The following HAAO variants were observed in gnomAD, a reference collection of about 807,000 sequenced individuals.
The protein encoded by HAAO is 3-hydroxyanthranilate 3,4-dioxygenase, also known as 3-hydroxyanthranilate oxygenase.
A neutral mutation model predicts 46.2 loss-of-function variants in HAAO; 49 were observed. The ratio of observed to expected loss-of-function variants is 1.06; its 90% CI spans 0.84 to 1.34. The LOEUF is 1.34. Ranked by LOEUF, HAAO falls within the 40% of genes most tolerant of loss-of-function variation. The probability of loss-of-function intolerance (pLI) is 0.00; values close to 1 mark genes in which losing one functional copy is unlikely to be tolerated. For synonymous variants in HAAO, 157 were observed against 145.2 expected (o/e 1.08, Z -0.58); for missense variants, 408 against 364.5 (o/e 1.12, Z -0.97).
At chr2:42,784,863 C>G (rs1388820137) in intron 2 of HAAO, among the ~76,000 whole-genome samples, 2 of 152,180 alleles carry the variant, frequency 1.3e-5, no homozygotes, top group African/African-American at 4.8e-5. Flanking sequence ...CCTGGAGGGA[C>G]TGTGGGGTTT....
chr2:42,779,258 G>A (rs1411580378), intron 4 of HAAO, among the ~76,000 whole-genome samples: 2 of 152,118 alleles, frequency 1.3e-5, no homozygotes, highest in African/African-American at 2.4e-5. Context: ...TATAGGTTAT[G>A]AAAGGTTTAT....
At chr2:42,778,687 A>AAGAT (rs1671767960) in intron 4 of HAAO, among the ~76,000 whole-genome samples, 1 of 152,186 alleles carries the variant, frequency 6.6e-6, no homozygotes, top group African/African-American at 2.4e-5. Flanking sequence ...GGCCCAGTAG[A>AAGAT]AGATGCCAAT....
chr2:42,791,039 G>A (rs1672763167), intron 1 of HAAO, among the ~76,000 whole-genome samples: 2 of 152,048 alleles, frequency 1.3e-5, no homozygotes, highest in African/African-American at 2.4e-5. Context: ...AACCCCTCCT[G>A]TAAAATTTAT....
intron 2 of HAAO, among the ~76,000 whole-genome samples, chr2:42,785,192 T>C (rs1284913434): frequency 6.6e-6 from 1 of 152,218 alleles, no homozygotes; most frequent in African/African-American, 2.4e-5. Flanking sequence ...TTTACACATA[T>C]GTGCTCAGCG....
intron 4 of HAAO, among the ~76,000 whole-genome samples, chr2:42,782,288 C>T (rs1033366226): frequency 2.6e-5 from 4 of 152,246 alleles, no homozygotes; most frequent in Admixed American, 1.3e-4. Context: ...TCATACTTGC[C>T]TACTGATGTG....
At chr2:42,780,453 G>T (rs570906032) in intron 4 of HAAO, among the ~76,000 whole-genome samples, 14 of 151,516 alleles carry the variant, frequency 9.2e-5, no homozygotes, top group Non-Finnish European at 1.8e-4. Flanking sequence ...TGATCCACCC[G>T]CCTCGGCTTC....
intron 7 of HAAO, among the ~76,000 whole-genome samples, 187 bp from the exon 8 acceptor site, chr2:42,768,115 T>C (rs1352218211): frequency 6.6e-6 from 1 of 152,218 alleles, no homozygotes; most frequent in Non-Finnish European, 1.5e-5. Flanking sequence ...GGCCTCCCTG[T>C]GCCCGCCGCT....
At position 42,780,534 on chromosome 2, in the gene HAAO, T is replaced by G. The variant is rs370011138; in HGVS notation, c.350+2780A>C. On this transcript the variant is annotated intron_variant, in intron 4 of 9. Transcript: ENST00000294973. ...ACAGGTGTTCTTAAGTGCAGGTTTC[T>G]GATAACTTTGGAGATTGTGACATTA... Among the ~76,000 whole-genome samples the G allele has an allele frequency of 3.9e-5, 6 of 152,022 alleles. No individual in the cohort carries two copies. The East Asian group carries it at 1.2e-3, about 30-fold the overall frequency.
intron 4 of HAAO, among the ~76,000 whole-genome samples, chr2:42,771,251 G>C (rs918847253): frequency 4.6e-5 from 7 of 151,474 alleles, no homozygotes; most frequent in Non-Finnish European, 1.0e-4. Context: ...ACAAAAAATA[G>C]CCAGGCATAA....
rs562743828 is a variant in HAAO, at chr2:42,788,789, CTA to C, written c.81-184_81-183del. Among the ~76,000 whole-genome samples the C allele has an allele frequency of 2.6e-3, 398 of 152,320 alleles. 1 individual carries two copies. Among genetic ancestry groups the C allele is most frequent in the African/African-American group, 8.9e-3 (372 of 41,576 alleles). ...TTCATGCCTGCGTGCATCTAAGTGT[CTA>C]TGTGTCTGGGATCGTGTCTGTGTGT... On this transcript the variant is annotated intron_variant, in intron 1 of 9. Coordinates refer to ENST00000294973, the MANE Select transcript of HAAO (RefSeq NM_012205.3).
chr2:42,776,633 C>CTTTT (rs1219622958), intron 4 of HAAO, among the ~76,000 whole-genome samples: 1 of 134,120 alleles, frequency 7.5e-6, no homozygotes, highest in African/African-American at 2.7e-5. Context: ...GAGTTGTTTC[C>CTTTT]TTTTTTTTTT....
intron 4 of HAAO, among the ~76,000 whole-genome samples, chr2:42,777,379 C>G (rs1671666587): frequency 6.7e-6 from 1 of 149,824 alleles, no homozygotes; most frequent in Non-Finnish European, 1.5e-5. Context: ...AAAAAAGTTG[C>G]TATGAATCTA....
In HAAO at chr2:42,767,640, A is replaced by AGGCGCC; in HGVS notation, c.731_736dup (p.Arg244_Arg245dup). ...GAGGCTGTCATCAGGGGCCAGGCTC[A>AGGCGCC]GGCGCCGTCCCCCCATTGTCACCAC... is the stretch of plus-strand genomic sequence containing the variant. On this transcript the variant is annotated inframe_insertion, in exon 9 of 10. Coordinates refer to ENST00000294973, the MANE Select transcript of HAAO (RefSeq NM_012205.3). 1 of 1,569,948 alleles carries AGGCGCC rather than the reference A, an allele frequency of 6.4e-7. No homozygotes were observed. Among genetic ancestry groups the AGGCGCC allele is most frequent in the Non-Finnish European group, 8.6e-7 (1 of 1,156,742 alleles).
At chr2:42,792,012 C>T (rs1672842565) in intron 1 of HAAO, among the ~76,000 whole-genome samples, 1 of 152,252 alleles carries the variant, frequency 6.6e-6, no homozygotes, top group African/African-American at 2.4e-5. Context: ...AGCGGATTCT[C>T]TGCCTCCCCC....
chr2:42,784,048 G>A lies in HAAO; in HGVS notation c.160-181C>T, dbSNP rs531666936. The A allele has an allele frequency of 4.3e-5, 28 of 649,462 alleles. No homozygotes were observed. In the South Asian group the frequency reaches 4.8e-4, roughly 11 times the overall value. 40.2% of individuals were successfully genotyped at this position (649,462 alleles called of 1,614,324 possible). A position where few individuals can be genotyped will look rare whatever the true frequency, so the allele number is the denominator to read the frequency against. ...TCCCCGGTGCATGCCATGGAGTGCC[G>A]GGGACACATGGGATCATGTCTTGGA... On this transcript the variant is annotated intron_variant, in intron 2 of 9. Transcript: ENST00000294973.
Position 42,767,244 on chromosome 2 carries a change from A to G in HAAO, c.*193T>C. 1.6e-6 allele frequency: 1 copy of G among 615,954 alleles called. No homozygotes were observed. Among genetic ancestry groups the G allele is most frequent in the South Asian group, 1.8e-5 (1 of 54,520 alleles). 38.2% of individuals were successfully genotyped at this position (615,954 alleles called of 1,614,324 possible). ...GCTGAGTCTGCCAGAGAAGATGGGG[A>G]GCTGCTGCCCGCCCAGGGGCATGGC... On this transcript the variant is annotated 3_prime_UTR_variant, in exon 10 of 10. Coordinates refer to ENST00000294973, the MANE Select transcript of HAAO (RefSeq NM_012205.3).
intron 2 of HAAO, among the ~76,000 whole-genome samples, chr2:42,788,109 A>G (rs1672521837): frequency 6.6e-6 from 1 of 152,104 alleles, no homozygotes; most frequent in African/African-American, 2.4e-5. Context: ...CACTCAGCCC[A>G]GCCCTCACCC....
intron 2 of HAAO, among the ~76,000 whole-genome samples, chr2:42,786,009 C>G (rs1045248771): frequency 1.2e-4 from 13 of 106,150 alleles, no homozygotes; most frequent in African/African-American, 3.3e-4. Flanking sequence ...GAGGAAGCCT[C>G]TGTGTGTGTG....
At chr2:42,785,887 A>G (rs778209125) in intron 2 of HAAO, among the ~76,000 whole-genome samples, 16 of 152,122 alleles carry the variant, frequency 1.1e-4, no homozygotes, top group Non-Finnish European at 1.8e-4. Flanking sequence ...AAACACAAAC[A>G]TGAACAAACA....
Sources: gnomAD v4.1 joint callset for allele counts (sites outside exome capture counted in the v4.1 genomes callset) on GRCh38, gnomAD v4.1.1 for gene constraint, MANE v1.5 for transcripts, NCBI Gene and HGNC (gene_info 2026-07-23, HGNC 2026-07-21) for gene names.